The following LAMA2 variants were observed in gnomAD, a reference collection of about 807,000 sequenced individuals.
LAMA2 encodes laminin subunit alpha-2.
In LAMA2, 269 loss-of-function variants were observed where a neutral mutation model predicts 364.8. The observed-to-expected ratio is 0.74, with a 90% CI of 0.67 to 0.82. The LOEUF is 0.82. LAMA2 is among the 40% of genes least tolerant of loss of function. The pLI is 0.00. For synonymous variants in LAMA2, 1,379 were observed against 1,370.6 expected, an observed-to-expected ratio of 1.01 and a Z score of -0.14; for missense variants, 3,807 against 3,873.2, an observed-to-expected ratio of 0.98 and a Z score of 0.45.
intron 14 of LAMA2, among the ~76,000 whole-genome samples, chr6:129,258,811 T>C (rs551606997): frequency 1.2e-3 from 175 of 152,106 alleles, no homozygotes; most frequent in African/African-American, 4.0e-3. Flanking sequence ...ACAGGGTTCC[T>C]CAGTGAGGGG....
chr6:129,369,830 G>A, intron 33 of LAMA2, 62 bp from the exon 34 acceptor site: 1 of 1,352,612 alleles, frequency 7.4e-7, no homozygotes, highest in Non-Finnish European at 1.1e-6. Flanking sequence ...AATGTGTTCT[G>A]TCGAACACTA....
At chr6:129,394,803 T>G (rs769616630) in intron 37 of LAMA2, among the ~76,000 whole-genome samples, 14 of 152,220 alleles carry the variant, frequency 9.2e-5, no homozygotes, top group Non-Finnish European at 1.3e-4. Context: ...TATTCGTTTC[T>G]TTTAGTGATG....
At chr6:129,465,368 G>T (rs542049700) in intron 51 of LAMA2, 79 bp downstream of exon 51, 31 of 1,229,068 alleles carry the variant, frequency 2.5e-5, no homozygotes, top group Admixed American at 6.8e-5. Flanking sequence ...CAAGAGGAAG[G>T]CTCCGTCTAT....
At chr6:129,013,449 A>AT (rs1047155963) in intron 1 of LAMA2, among the ~76,000 whole-genome samples, 11 of 151,834 alleles carry the variant, frequency 7.2e-5, no homozygotes, top group South Asian at 2.1e-4. Flanking sequence ...AAAAAAAAAA[A>AT]TTTTTTTTGA....
intron 18 of LAMA2, among the ~76,000 whole-genome samples, chr6:129,285,479 GCTAT>G: frequency 6.6e-6 from 1 of 151,994 alleles, no homozygotes; most frequent in East Asian, 1.9e-4. Flanking sequence ...CTTATTAATT[GCTAT>G]CTAAGTTAAG....
At chr6:129,065,778 G>T (rs544089203) in intron 3 of LAMA2, among the ~76,000 whole-genome samples, 1 of 152,258 alleles carries the variant, frequency 6.6e-6, no homozygotes, top group Admixed American at 6.5e-5. Context: ...ATGTGTTGTG[G>T]GAGGGACCTG....
chr6:129,089,494 T>C (rs972560496), intron 3 of LAMA2, among the ~76,000 whole-genome samples: 1 of 152,232 alleles, frequency 6.6e-6, no homozygotes, highest in Non-Finnish European at 1.5e-5. Flanking sequence ...ATTCACACCA[T>C]TGTTGTACTC....
intron 37 of LAMA2, among the ~76,000 whole-genome samples, chr6:129,400,942 T>A (rs1779933827): frequency 6.6e-6 from 1 of 152,244 alleles, no homozygotes; most frequent in Non-Finnish European, 1.5e-5. Context: ...GCTCCATCTT[T>A]CTTTAAAAGT....
At chr6:129,002,623 C>G (rs1474455561) in intron 1 of LAMA2, among the ~76,000 whole-genome samples, 1 of 16,346 alleles carries the variant, frequency 6.1e-5, no homozygotes, top group Non-Finnish European at 9.6e-5. Context: ...AAACAGAGAG[C>G]CAAATCATGG....
At chr6:128,901,020 G>A (rs1777051875) in intron 1 of LAMA2, among the ~76,000 whole-genome samples, 1 of 152,156 alleles carries the variant, frequency 6.6e-6, no homozygotes, top group Non-Finnish European at 1.5e-5. Flanking sequence ...AGCTGCGTGT[G>A]GTGGCACATG....
At chr6:129,169,503 G>A (rs1779993978) in intron 9 of LAMA2, among the ~76,000 whole-genome samples, 1 of 151,296 alleles carries the variant, frequency 6.6e-6, no homozygotes, top group Non-Finnish European at 1.5e-5. Context: ...TGCATCCCAG[G>A]GATGAAGCCT....
intron 22 of LAMA2, among the ~76,000 whole-genome samples, chr6:129,309,087 T>C (rs1427292758): frequency 6.6e-6 from 1 of 152,226 alleles, no homozygotes; most frequent in African/African-American, 2.4e-5. Context: ...TTTACTGTTT[T>C]TAAAACTGGG....
chr6:129,502,643 C>T lies in LAMA2; in HGVS notation c.8245-16C>T, dbSNP rs570585978. 1 of 1,544,250 alleles carries T rather than the reference C, an allele frequency of 6.5e-7. No individual in the cohort carries two copies. Among genetic ancestry groups the T allele is most frequent in the East Asian group, 2.2e-5 (1 of 44,512 alleles). ...AGTCCATAATCTCCTGTTTTTCTCTCCTGGGTATTTTACAGGGTCCTTGTG... is the reference window on the plus strand; with the variant it reads ...AGTCCATAATCTCCTGTTTTTCTCTTCTGGGTATTTTACAGGGTCCTTGTG... On this transcript the variant is annotated splice_polypyrimidine_tract_variant and intron_variant, in intron 58 of 64. Transcript: ENST00000421865.
intron 58 of LAMA2, among the ~76,000 whole-genome samples, chr6:129,497,313 C>T (rs1437799666): frequency 6.6e-6 from 1 of 151,974 alleles, no homozygotes; most frequent in Non-Finnish European, 1.5e-5. Flanking sequence ...TCATGGCTTA[C>T]TGCAGCCTTA....
At chr6:129,170,679 C>G (rs1780081904) in intron 9 of LAMA2, among the ~76,000 whole-genome samples, 1 of 151,950 alleles carries the variant, frequency 6.6e-6, no homozygotes, top group Non-Finnish European at 1.5e-5. Flanking sequence ...TTTATTAGGT[C>G]CGCTTGGTGC....
chr6:128,947,681 T>C (rs116538716), intron 1 of LAMA2, among the ~76,000 whole-genome samples: 2,293 of 152,258 alleles, frequency 0.015, 57 homozygotes, highest in African/African-American at 0.052. Flanking sequence ...AAGAAGAGCA[T>C]GGATTTAAAG....
At chr6:129,266,973 G>A in intron 15 of LAMA2, 133 bp from the exon 16 acceptor site, 1 of 749,580 alleles carries the variant, frequency 1.3e-6, no homozygotes, top group Non-Finnish European at 2.5e-6. Context: ...TTCAATAATG[G>A]CAATGCTTTG....
intron 40 of LAMA2, among the ~76,000 whole-genome samples, chr6:129,405,095 A>C (rs1780180320): frequency 6.6e-6 from 1 of 152,056 alleles, no homozygotes; most frequent in Admixed American, 6.6e-5. Context: ...ATCTAAACTA[A>C]ATTTTAATCC....
intron 33 of LAMA2, among the ~76,000 whole-genome samples, chr6:129,367,995 T>C (rs553212205): frequency 6.6e-6 from 1 of 152,324 alleles, no homozygotes; most frequent in South Asian, 2.1e-4. Flanking sequence ...GTACCAGCAA[T>C]GTTCAATGTC....
Sources: gnomAD v4.1 joint callset for allele counts (sites outside exome capture counted in the v4.1 genomes callset) on GRCh38, gnomAD v4.1.1 for gene constraint, MANE v1.5 for transcripts, NCBI Gene and HGNC (gene_info 2026-07-23, HGNC 2026-07-21) for gene names.